The following NALF1 variants were observed in gnomAD, a reference collection of about 807,000 sequenced individuals.
NALF1 encodes the protein NALCN channel auxiliary factor 1, also known as family with sequence similarity 155 member A.
In NALF1, 3 loss-of-function variants were observed where a neutral mutation model predicts 48.4. The ratio of observed to expected loss-of-function variants is 0.06; its 90% CI spans 0.03 to 0.16. The LOEUF is 0.16. Ranked by LOEUF, NALF1 falls within the 10% of genes least tolerant of loss-of-function variation. The pLI, the probability that NALF1 is intolerant of heterozygous loss-of-function variation, is 1.00. For synonymous variants in NALF1, 262 were observed against 245.7 expected (o/e 1.07, Z -0.62); for missense variants, 526 against 571.5 (o/e 0.92, Z 0.81).
chr13:107,184,664 T>C (rs962021654), intron 2 of NALF1, among the ~76,000 whole-genome samples: 1 of 152,230 alleles, frequency 6.6e-6, no homozygotes, highest in Non-Finnish European at 1.5e-5. Flanking sequence ...TTCACTCTTC[T>C]TCCCTAGTTT....
chr13:107,299,681 C>CTTATTTATTTAT (rs59861743), intron 1 of NALF1, among the ~76,000 whole-genome samples: 13 of 148,340 alleles, frequency 8.8e-5, no homozygotes, highest in African/African-American at 2.2e-4. Flanking sequence ...AGAACTGTTC[C>CTTATTTATTTAT]TTATTTATTT....
intron 1 of NALF1, among the ~76,000 whole-genome samples, chr13:107,544,500 G>C (rs1189710258): frequency 6.6e-6 from 1 of 152,140 alleles, no homozygotes; most frequent in East Asian, 1.9e-4. Flanking sequence ...ATAGAAGCAT[G>C]AGCAATTTCT....
intron 1 of NALF1, among the ~76,000 whole-genome samples, chr13:107,226,203 T>C (rs9555331): frequency 0.39 from 59,953 of 151,780 alleles, 12,137 homozygotes; most frequent in Middle Eastern, 0.51. Flanking sequence ...AGACCTTGGA[T>C]AAGGCAGACA....
In NALF1 at chr13:107,437,005, G is replaced by A. The variant is rs559873497; in HGVS notation, c.916-226250C>T. On this transcript the variant is annotated intron_variant, in intron 1 of 2. Coordinates refer to ENST00000375915, the MANE Select transcript of NALF1 (RefSeq NM_001080396.3). ...AAAGACATATATCTGAAAATAAGTG[G>A]TATCCGGGACATACAAAGGACTTCT... Among the ~76,000 whole-genome samples the A allele has an allele frequency of 2.0e-5, 3 of 152,068 alleles. No homozygotes were observed. In the South Asian group the frequency reaches 6.2e-4, roughly 32 times the overall value.
At chr13:107,254,062 A>AAAAAAAAAATATATATATATATATAT in intron 1 of NALF1, among the ~76,000 whole-genome samples, 25 of 138,680 alleles carry the variant, frequency 1.8e-4, no homozygotes, top group Admixed American at 1.3e-3. Context: ...CAAGTACTAA[A>AAAAAAAAAATATATATATATATATAT]ATATATATAT....
chr13:107,264,954 T>C (rs907095226), intron 1 of NALF1, among the ~76,000 whole-genome samples: 1 of 152,212 alleles, frequency 6.6e-6, no homozygotes, highest in Non-Finnish European at 1.5e-5. Context: ...CTAAATAGGC[T>C]TGCATGAAAG....
chr13:107,794,546 CAT>C lies in NALF1; in HGVS notation c.915+71134_915+71135del, dbSNP rs1037125088. On this transcript the variant is annotated intron_variant, in intron 1 of 2. Coordinates refer to ENST00000375915, the MANE Select transcript of NALF1 (RefSeq NM_001080396.3). ...ATTATATTATTGAAAAACAAAAAAA[CAT>C]TTTCACCCACCAAAAAAAGAAAAAA... Among the ~76,000 whole-genome samples the C allele has an allele frequency of 1.4e-4, 20 of 145,856 alleles. 1 individual carries two copies. The highest frequency in any genetic ancestry group is 5.0e-4 in the African/African-American group (20 of 39,632).
At chr13:107,248,577 A>G (rs1157623419) in intron 1 of NALF1, among the ~76,000 whole-genome samples, 1 of 148,460 alleles carries the variant, frequency 6.7e-6, no homozygotes, top group Non-Finnish European at 1.5e-5. Context: ...CTAGTATGGT[A>G]GCCAGTAGCC....
At chr13:107,861,591 T>C (rs932450799) in intron 1 of NALF1, among the ~76,000 whole-genome samples, 2 of 152,212 alleles carry the variant, frequency 1.3e-5, no homozygotes, top group East Asian at 1.9e-4. Flanking sequence ...GAGACCATCC[T>C]GGCTTACATG....
intron 1 of NALF1, among the ~76,000 whole-genome samples, chr13:107,355,172 G>A (rs1308736065): frequency 2.6e-5 from 4 of 152,108 alleles, no homozygotes; most frequent in Admixed American, 6.5e-5. Flanking sequence ...GTGACAGGTC[G>A]CACAGCAAAT....
intron 1 of NALF1, among the ~76,000 whole-genome samples, chr13:107,476,918 G>A (rs1885183497): frequency 6.6e-6 from 1 of 151,998 alleles, no homozygotes; most frequent in African/African-American, 2.4e-5. Context: ...AGTAAGTAGA[G>A]AATTAAAATG....
At chr13:107,299,604 T>C (rs1881799606) in intron 1 of NALF1, among the ~76,000 whole-genome samples, 1 of 151,752 alleles carries the variant, frequency 6.6e-6, no homozygotes, top group African/African-American at 2.4e-5. Context: ...ACTGCCACAT[T>C]GACAAAGAGC....
At chr13:107,700,208 G>C (rs2138510893) in intron 1 of NALF1, among the ~76,000 whole-genome samples, 1 of 151,776 alleles carries the variant, frequency 6.6e-6, no homozygotes. Flanking sequence ...AAATACCGAG[G>C]AAGAGAAACA....
intron 1 of NALF1, among the ~76,000 whole-genome samples, chr13:107,665,476 C>T (rs1555316420): frequency 6.6e-6 from 1 of 152,046 alleles, no homozygotes; most frequent in Non-Finnish European, 1.5e-5. Flanking sequence ...TTAGCTTTTG[C>T]TACAATGAAG....
chr13:107,396,723 T>C (rs1483853830), intron 1 of NALF1, among the ~76,000 whole-genome samples: 5 of 152,204 alleles, frequency 3.3e-5, no homozygotes, highest in African/African-American at 4.8e-5. Context: ...CGTTGAGTTA[T>C]AGCTTATCAG....
intron 1 of NALF1, among the ~76,000 whole-genome samples, chr13:107,486,938 G>T (rs144567188): frequency 5.3e-5 from 8 of 152,222 alleles, no homozygotes; most frequent in African/African-American, 1.7e-4. Context: ...AGAGTTATCA[G>T]TCCATAAAGA....
chr13:107,655,595 C>T (rs1329035144), intron 1 of NALF1, among the ~76,000 whole-genome samples: 1 of 151,918 alleles, frequency 6.6e-6, no homozygotes, highest in Non-Finnish European at 1.5e-5. Flanking sequence ...CAAAAGAAAT[C>T]TACAAATTCA....
At chr13:107,447,045 AT>A (rs773351576) in intron 1 of NALF1, among the ~76,000 whole-genome samples, 10 of 152,182 alleles carry the variant, frequency 6.6e-5, no homozygotes, top group Non-Finnish European at 1.3e-4. Flanking sequence ...GAAGTACCGT[AT>A]TGGGATTTGC....
At chr13:107,429,602 T>C (rs1490138571) in intron 1 of NALF1, among the ~76,000 whole-genome samples, 2 of 152,298 alleles carry the variant, frequency 1.3e-5, no homozygotes, top group East Asian at 1.9e-4. Context: ...CAAGAGACTA[T>C]AGTGGTGGGC....
Sources: gnomAD v4.1 joint callset for allele counts (sites outside exome capture counted in the v4.1 genomes callset) on GRCh38, gnomAD v4.1.1 for gene constraint, MANE v1.5 for transcripts, NCBI Gene and HGNC (gene_info 2026-07-23, HGNC 2026-07-21) for gene names.